KIAA1549: variants seen among roughly 807,000 people sequenced by gnomAD.
KIAA1549 encodes UPF0606 protein KIAA1549.
Under a neutral mutation model 156.4 loss-of-function variants are expected in KIAA1549, and 70 were observed. The ratio of observed to expected loss-of-function variants is 0.45; its 90% CI spans 0.37 to 0.55. The LOEUF is 0.55. Among genes scored for constraint, KIAA1549 ranks in the 20% least tolerant of loss-of-function variants. KIAA1549 has a pLI of 0.00. For missense variants in KIAA1549, 2,428 were observed against 2,540.9 expected (o/e 0.96, Z 0.96); for synonymous variants, 1,103 against 1,066.4 (o/e 1.03, Z -0.67).
rs978748287 is a variant in KIAA1549 at position 138,894,356 on chromosome 7, G to C, written c.4018C>G (p.Gln1340Glu). The change falls in exon 10 of 20, where the codon CAG (glutamine) becomes GAG (glutamate). Residue 1340 changes from glutamine to glutamate, a missense_variant. Around this residue, in one of 5 missense-constraint regions of KIAA1549, gnomAD observed 762 missense variants for 901.6 expected, o/e 0.85. Coordinates refer to ENST00000422774, the MANE Select transcript of KIAA1549 (RefSeq NM_001164665.2). ...CTGCCCGTTACCTTCTGACGCTGCT[G>C]AATGTTGGCCACAGTGTCAGGCTGA... Reference protein sequence around the residue: ...DFQPDTVANIQQRQKLQIPSV... With the variant: ...DFQPDTVANIEQRQKLQIPSV... The C allele has an allele frequency of 6.2e-7, 1 of 1,613,898 alleles. No homozygotes were observed. The highest frequency in any genetic ancestry group is 8.5e-7 in the Non-Finnish European group (1 of 1,179,912).
At chr7:138,943,752 G>A (rs537756962) in intron 1 of KIAA1549, among the ~76,000 whole-genome samples, 58 of 152,186 alleles carry the variant, frequency 3.8e-4, no homozygotes, top group African/African-American at 1.3e-3. Flanking sequence ...GGGAGGCTGA[G>A]GCAGGCGAAT....
intron 13 of KIAA1549, 128 bp from the exon 14 acceptor site, chr7:138,869,889 G>T: frequency 1.4e-6 from 1 of 717,698 alleles, no homozygotes; most frequent in Non-Finnish European, 2.2e-6. Context: ...TCACTCTGTT[G>T]CCCAGGCTGG....
intron 16 of KIAA1549, among the ~76,000 whole-genome samples, chr7:138,859,464 G>A (rs1193625111): frequency 6.6e-6 from 1 of 152,114 alleles, no homozygotes; most frequent in African/African-American, 2.4e-5. Flanking sequence ...GGTAGTTTCT[G>A]TGTACCCATA....
rs1810923310 is a variant in KIAA1549 at position 138,871,220 on chromosome 7, T to C, written c.4488A>G (p.Ala1496=). Residue 1496 remains alanine, a synonymous_variant, in exon 13 of 20, where the codon GCA becomes GCG. Coordinates refer to ENST00000422774, the MANE Select transcript of KIAA1549 (RefSeq NM_001164665.2). The part of the protein sequence containing the change: ...IQLIAMQPIP[A]PPVQRPSPAD... ...CTGGGGAGGGGCGCTGGACGGGAGG[T>C]GCCGGGATCGGCTGCATGGCGATAA... 2 of 1,613,278 alleles carry C rather than the reference T, an allele frequency of 1.2e-6. No homozygotes were observed. Among genetic ancestry groups the C allele is most frequent in the Non-Finnish European group, 1.7e-6 (2 of 1,179,830 alleles).
intron 1 of KIAA1549, among the ~76,000 whole-genome samples, chr7:138,949,701 TAA>T (rs1813438119): frequency 6.6e-6 from 1 of 152,082 alleles, no homozygotes; most frequent in African/African-American, 2.4e-5. Context: ...AAAAAATTCC[TAA>T]AGTCACCAAA....
chr7:138,886,564 A>G (rs1811397128), intron 10 of KIAA1549, among the ~76,000 whole-genome samples: 1 of 152,194 alleles, frequency 6.6e-6, no homozygotes, highest in African/African-American at 2.4e-5. Context: ...GACGTGAGCC[A>G]CTGAGACCGG....
chr7:138,981,311 C>A lies in KIAA1549; in HGVS notation c.-42G>T. On this transcript the variant is annotated 5_prime_UTR_variant, in exon 1 of 20. Transcript: ENST00000422774. The surrounding 1 kb of genome is among the most constrained non-coding windows in gnomAD (Gnocchi z 4.5). ...GGCCCGGCCTCGCGGCTCAGCGGCT[C>A]TCGGGTCCGGGAGGGGCGGCCGCTG... 1.1e-6 allele frequency: 1 copy of A among 888,282 alleles called. No individual in the cohort carries two copies. The highest frequency in any genetic ancestry group is 1.3e-6 in the Non-Finnish European group (1 of 744,162). 55.0% of individuals were successfully genotyped at this position (888,282 alleles called of 1,614,324 possible).
intron 11 of KIAA1549, 56 bp from the exon 12 acceptor site, chr7:138,879,709 A>C: frequency 4.3e-4 from 461 of 1,068,186 alleles, no homozygotes; most frequent in Non-Finnish European, 5.7e-4. Context: ...GAAAAGGAAA[A>C]AGTCCCATTA....
intron 1 of KIAA1549, among the ~76,000 whole-genome samples, chr7:138,942,200 C>T (rs146911959): frequency 1.2e-3 from 179 of 152,276 alleles, no homozygotes; most frequent in African/African-American, 4.3e-3. Context: ...CACAGCACCA[C>T]ACTGTCTCTC....
intron 15 of KIAA1549, among the ~76,000 whole-genome samples, chr7:138,866,990 A>G (rs1386471366): frequency 6.6e-6 from 1 of 151,618 alleles, no homozygotes; most frequent in South Asian, 2.1e-4. Flanking sequence ...TTTTGGAGAG[A>G]CGGGGTTTCG....
intron 4 of KIAA1549, 148 bp downstream of exon 4, chr7:138,910,998 T>C (rs1352147310): frequency 1.3e-5 from 9 of 678,802 alleles, no homozygotes; most frequent in African/African-American, 3.7e-5. Flanking sequence ...CACCACTGCA[T>C]TCCAGCCTGG....
chr7:138,958,837 C>T (rs1378200974), intron 1 of KIAA1549, among the ~76,000 whole-genome samples: 1 of 152,086 alleles, frequency 6.6e-6, no homozygotes, highest in Non-Finnish European at 1.5e-5. Context: ...GTACCAGTTA[C>T]ACAATTCGAG....
intron 1 of KIAA1549, among the ~76,000 whole-genome samples, chr7:138,970,836 A>G (rs1814199114): frequency 1.3e-5 from 2 of 152,284 alleles, no homozygotes; most frequent in South Asian, 2.1e-4. Flanking sequence ...AAGCTCCCCA[A>G]CAGTATTTAC....
At chr7:138,895,059 A>G (rs1811646314) in intron 9 of KIAA1549, among the ~76,000 whole-genome samples, 1 of 152,178 alleles carries the variant, frequency 6.6e-6, no homozygotes, top group African/African-American at 2.4e-5. Flanking sequence ...CCCTTCCCTC[A>G]CTACTCCAAG....
intron 6 of KIAA1549, 121 bp downstream of exon 6, chr7:138,906,798 A>G (rs1812016833): frequency 1.3e-6 from 1 of 745,222 alleles, no homozygotes. Flanking sequence ...CCAACGCCTT[A>G]TGGAAAAATA....
chr7:138,902,973 T>C (rs1405778578), intron 8 of KIAA1549, among the ~76,000 whole-genome samples: 1 of 152,220 alleles, frequency 6.6e-6, no homozygotes, highest in Non-Finnish European at 1.5e-5. Flanking sequence ...TTTTAGGTGA[T>C]GTTCACTTTA....
Position 138,861,211 on chromosome 7 carries a change from G to C in KIAA1549, c.5175C>G (p.Ser1725=), listed in dbSNP as rs368199543. The part of the protein sequence containing the change: ...PPGLPANSTP[S]QEERRATQWG... ...ACTGGGTGGCTCGCCTCTCTTCCTG[G>C]GAAGGGGTGCTGTTTGCGGGCAGGC... The change falls in exon 16 of 20, where the codon TCC becomes TCG. Residue 1725 remains serine (S), a synonymous_variant. Coordinates refer to ENST00000422774, the MANE Select transcript of KIAA1549 (RefSeq NM_001164665.2). The C allele has an allele frequency of 3.1e-6, 5 of 1,613,540 alleles. No individual in the cohort carries two copies. In the African/African-American group the frequency reaches 6.7e-5, roughly 22 times the overall value.
intron 15 of KIAA1549, among the ~76,000 whole-genome samples, chr7:138,867,458 G>T (rs1245085141): frequency 6.6e-6 from 1 of 151,972 alleles, no homozygotes; most frequent in African/African-American, 2.4e-5. Flanking sequence ...AGCAGACTGA[G>T]GTGGGAAAAT....
rs1814548218 is a variant in KIAA1549, at chr7:138,981,313, C to G, written c.-44G>C. 1 of 876,658 alleles carries G rather than the reference C, an allele frequency of 1.1e-6. No individual in the cohort carries two copies. Among genetic ancestry groups the G allele is most frequent in the African/African-American group, 1.8e-5 (1 of 54,540 alleles). The allele number at this position is 876,658 out of a possible 1,614,324, so 54.3% of individuals were successfully genotyped here. ...CCCGGCCTCGCGGCTCAGCGGCTCT[C>G]GGGTCCGGGAGGGGCGGCCGCTGCG... is the stretch of plus-strand genomic sequence containing the variant. On this transcript the variant is annotated 5_prime_UTR_variant, in exon 1 of 20. Transcript: ENST00000422774. The surrounding 1 kb of genome is among the most constrained non-coding windows in gnomAD (Gnocchi z 4.5).
Sources: gnomAD v4.1 joint callset for allele counts (sites outside exome capture counted in the v4.1 genomes callset) on GRCh38, gnomAD v4.1.1 for gene constraint, gnomAD v4.1.1 regional missense constraint, Gnocchi (gnomAD v3.1) non-coding constraint, MANE v1.5 for transcripts, NCBI Gene and HGNC (gene_info 2026-07-23, HGNC 2026-07-21) for gene names.